CACNA2D2: variants seen among roughly 807,000 people sequenced by gnomAD.
CACNA2D2 encodes the protein calcium voltage-gated channel auxiliary subunit alpha2delta 2.
Under a neutral mutation model 166.4 loss-of-function variants are expected in CACNA2D2, and 48 were observed. That is an observed-to-expected ratio of 0.29 (90% CI 0.23 to 0.37). The LOEUF is 0.37. Among genes scored for constraint, CACNA2D2 ranks in the 10% least tolerant of loss-of-function variants. The pLI is 1.00. For missense variants in CACNA2D2, 1,122 were observed against 1,433.0 expected (o/e 0.78, Z 3.50); for synonymous variants, 561 against 573.7 (o/e 0.98, Z 0.32).
At position 50,379,278 on chromosome 3, in the gene CACNA2D2, T is replaced by C. The variant is rs1364036242; in HGVS notation, c.1153-79A>G. The stretch of plus-strand genomic sequence containing the variant: ...CAGGGCCTCCCTCCCGCAGTGGGCC[T>C]GGACCTCTGGCCCTCCTCCCCCACA... On this transcript the variant is annotated intron_variant, in intron 11 of 37. Transcript: ENST00000424201. The surrounding 1 kb of genome is among the most constrained non-coding windows in gnomAD (Gnocchi z 6.5). The C allele has an allele frequency of 6.9e-7, 1 of 1,450,714 alleles. No homozygotes were observed. The highest frequency in any genetic ancestry group is 9.6e-7 in the Non-Finnish European group (1 of 1,037,496). The allele number at this position is 1,450,714 out of a possible 1,614,324, so 89.9% of individuals were successfully genotyped here.
At chr3:50,500,522 A>T (rs1192018756) in intron 1 of CACNA2D2, among the ~76,000 whole-genome samples, 1 of 152,160 alleles carries the variant, frequency 6.6e-6, no homozygotes, top group Non-Finnish European at 1.5e-5. Context: ...AGGGAAAGAC[A>T]CAAGGGGAGG....
chr3:50,460,327 G>A (rs1709535824), intron 2 of CACNA2D2, among the ~76,000 whole-genome samples: 1 of 152,056 alleles, frequency 6.6e-6, no homozygotes, highest in Non-Finnish European at 1.5e-5. Flanking sequence ...TTTATACCAC[G>A]GTTATGCAAG....
At chr3:50,418,398 G>A (rs546542850) in intron 3 of CACNA2D2, among the ~76,000 whole-genome samples, 1 of 152,300 alleles carries the variant, frequency 6.6e-6, no homozygotes, top group South Asian at 2.1e-4. Context: ...AGGCCCCTGT[G>A]CAAGCCCCTT....
intron 5 of CACNA2D2, among the ~76,000 whole-genome samples, chr3:50,384,642 AC>A (rs1705502872): frequency 6.6e-6 from 1 of 152,122 alleles, no homozygotes; most frequent in African/African-American, 2.4e-5. Context: ...ATTCTTGAAA[AC>A]CAATTAGGAA....
intron 22 of CACNA2D2, 102 bp downstream of exon 22, chr3:50,374,635 G>A: frequency 7.5e-7 from 1 of 1,338,006 alleles, no homozygotes. Context: ...GGGCAGGAGG[G>A]ACTGCCTCGC....
intron 3 of CACNA2D2, among the ~76,000 whole-genome samples, chr3:50,400,053 T>C (rs1357858596): frequency 6.6e-6 from 1 of 152,244 alleles, no homozygotes; most frequent in African/African-American, 2.4e-5. Context: ...GCATTAGCTG[T>C]GTATTGTGCA....
chr3:50,381,550 G>C (rs1705315088), intron 6 of CACNA2D2, among the ~76,000 whole-genome samples: 1 of 151,824 alleles, frequency 6.6e-6, no homozygotes, highest in South Asian at 2.1e-4. Flanking sequence ...TTAAGGGCCT[G>C]CTGATGGGGC....
At chr3:50,492,193 C>T (rs1293030534) in intron 1 of CACNA2D2, among the ~76,000 whole-genome samples, 1 of 152,278 alleles carries the variant, frequency 6.6e-6, no homozygotes, top group Non-Finnish European at 1.5e-5. Flanking sequence ...GCGTTACGTC[C>T]GTGGCTGTGG....
intron 3 of CACNA2D2, among the ~76,000 whole-genome samples, chr3:50,426,383 G>A (rs1707807684): frequency 6.6e-6 from 1 of 152,200 alleles, no homozygotes; most frequent in Admixed American, 6.5e-5. Flanking sequence ...TCAAAAGCAA[G>A]GCCGTAGGGT....
chr3:50,500,580 G>A (rs185521413), intron 1 of CACNA2D2, among the ~76,000 whole-genome samples: 5 of 152,252 alleles, frequency 3.3e-5, no homozygotes, highest in African/African-American at 1.2e-4. Flanking sequence ...GCCTGATGCT[G>A]GGGAGGGCAT....
Position 50,367,995 on chromosome 3 carries a change from C to T in CACNA2D2, c.2144-93G>A. The T allele has an allele frequency of 8.8e-7, 1 of 1,140,068 alleles. No homozygotes were observed. The highest frequency in any genetic ancestry group is 1.3e-6 in the Non-Finnish European group (1 of 760,192). 70.6% of individuals were successfully genotyped at this position (1,140,068 alleles called of 1,614,324 possible). On this transcript the variant is annotated intron_variant, in intron 24 of 37. Transcript: ENST00000424201. The surrounding 1 kb of genome is among the most constrained non-coding windows in gnomAD (Gnocchi z 6.5). ...ACCCTTAAGGCTCCACCAGGAGCCTCCTCCATGACCTGGCCCTGGCCCAGG... is the reference window on the plus strand; with the variant it reads ...ACCCTTAAGGCTCCACCAGGAGCCTTCTCCATGACCTGGCCCTGGCCCAGG...
chr3:50,430,532 A>T (rs1708016931), intron 3 of CACNA2D2, among the ~76,000 whole-genome samples: 1 of 152,206 alleles, frequency 6.6e-6, no homozygotes, highest in South Asian at 2.1e-4. Context: ...CTGGACTGAG[A>T]GTTCCACAAG....
intron 1 of CACNA2D2, among the ~76,000 whole-genome samples, chr3:50,491,446 G>A (rs761796057): frequency 6.6e-5 from 10 of 152,310 alleles, no homozygotes; most frequent in Non-Finnish European, 1.2e-4. Context: ...TGTGGCCTGC[G>A]CCAGCCAAGG....
In CACNA2D2 at chr3:50,384,266, G is replaced by T; in HGVS notation, c.582C>A (p.Asp194Glu). 2 of 1,614,134 alleles carry T rather than the reference G, an allele frequency of 1.2e-6. No homozygotes were observed. The highest frequency in any genetic ancestry group is 1.7e-6 in the Non-Finnish European group (2 of 1,180,014). ...AGTTGACCTTGTTCTTGAAGTTTGG[G>T]TCCTCGATGAAGTCCAGCCTTAGGG... is the stretch of plus-strand genomic sequence containing the variant. ...ASTLRLDFIE[D>E]PNFKNKVNYS... The change falls in exon 6 of 38, where the codon GAC becomes GAA. Residue 194 changes from aspartate (D) to glutamate (E), a missense_variant. Physicochemically the swap from Asp to Glu is conservative, Grantham distance 45. Around this residue, in one of 2 missense-constraint regions of CACNA2D2, gnomAD observed 840 missense variants for 1,166.8 expected, o/e 0.72. Transcript: ENST00000424201.
chr3:50,400,302 G>A (rs1383632257), intron 3 of CACNA2D2, among the ~76,000 whole-genome samples: 2 of 152,178 alleles, frequency 1.3e-5, no homozygotes, highest in South Asian at 2.1e-4. Flanking sequence ...CTGCTGCTTC[G>A]GCCTTGAGCA....
chr3:50,484,163 G>A (rs1169250549), intron 1 of CACNA2D2, among the ~76,000 whole-genome samples: 2 of 152,150 alleles, frequency 1.3e-5, no homozygotes, highest in East Asian at 3.9e-4. Flanking sequence ...AAGACTCTGG[G>A]TGACCTAGAA....
chr3:50,419,609 C>G (rs986626200), intron 3 of CACNA2D2, among the ~76,000 whole-genome samples: 2 of 152,126 alleles, frequency 1.3e-5, no homozygotes, highest in African/African-American at 2.4e-5. Context: ...ATGGGAAAGT[C>G]GGGGCCCCTT....
intron 22 of CACNA2D2, chr3:50,372,979 G>A: frequency 9.2e-7 from 1 of 1,090,712 alleles, no homozygotes; most frequent in South Asian, 1.3e-5. Context: ...GGGTTTGGCT[G>A]GTCCTGGGCA....
intron 3 of CACNA2D2, among the ~76,000 whole-genome samples, chr3:50,405,767 G>T (rs960715191): frequency 6.6e-6 from 1 of 152,180 alleles, no homozygotes; most frequent in Non-Finnish European, 1.5e-5. Context: ...GGCCTGGAGG[G>T]ACTGTCAGGC....
Sources: allele counts gnomAD v4.1 joint callset (sites outside exome capture counted in the v4.1 genomes callset), GRCh38; gene constraint gnomAD v4.1.1; regional missense constraint gnomAD v4.1.1; non-coding constraint Gnocchi (gnomAD v3.1); transcripts MANE v1.5; gene names NCBI Gene and HGNC (gene_info 2026-07-23, HGNC 2026-07-21).